The following LMTK2 variants were observed in gnomAD, a reference collection of about 807,000 sequenced individuals.
The protein encoded by LMTK2 is lemur tail kinase 2.
A neutral mutation model predicts 127.5 loss-of-function variants in LMTK2; 37 were observed. That is an observed-to-expected ratio of 0.29 (90% CI 0.22 to 0.38). The LOEUF is 0.38. Among genes scored for constraint, LMTK2 ranks in the 10% least tolerant of loss-of-function variants. The pLI, the probability that LMTK2 is intolerant of heterozygous loss-of-function variation, is 1.00. For missense variants in LMTK2, 1,694 were observed against 1,920.3 expected (o/e 0.88, Z 2.20); for synonymous variants, 819 against 810.1 (o/e 1.01, Z -0.19).
chr7:98,149,964 A>C (rs1796828250), intron 3 of LMTK2, among the ~76,000 whole-genome samples: 1 of 152,214 alleles, frequency 6.6e-6, no homozygotes, highest in South Asian at 2.1e-4. Flanking sequence ...AAATGAGGCA[A>C]AGATTTGCAT....
chr7:98,203,890 CT>C lies in LMTK2; in HGVS notation c.4241-53del. 3 of 1,604,846 alleles carry C rather than the reference CT, an allele frequency of 1.9e-6. No homozygotes were observed. In the South Asian group the frequency reaches 3.3e-5, roughly 18 times the overall value. ...GGGCGCACCTGCCCAGAGGCTCCCC[CT>C]CTCCCTCATCACGCAGTGATAAAAA... On this transcript the variant is annotated intron_variant, in intron 12 of 13. Coordinates refer to ENST00000297293, the MANE Select transcript of LMTK2 (RefSeq NM_014916.4).
At position 98,185,105 on chromosome 7, in the gene LMTK2, A is replaced by C. The variant is rs376106286; in HGVS notation, c.846A>C (p.Gly282=). 12 of 1,612,420 alleles carry C rather than the reference A, an allele frequency of 7.4e-6. No homozygotes were observed. The highest frequency in any genetic ancestry group is 1.6e-4 in the Middle Eastern group (1 of 6,080). ...FLTSDLNVKV[G]DYGIGFSRYK... is the part of the protein sequence containing the mutation. ...CCTCCGACTTAAATGTGAAAGTGGG[A>C]GATTACGGAATAGGATTCAGCAGGT... Residue 282 remains glycine (G), a synonymous_variant, in exon 8 of 14, where the codon GGA becomes GGC. Coordinates refer to ENST00000297293, the MANE Select transcript of LMTK2 (RefSeq NM_014916.4).
intron 2 of LMTK2, among the ~76,000 whole-genome samples, chr7:98,140,564 AT>A (rs548563798): frequency 5.9e-5 from 9 of 151,684 alleles, no homozygotes; most frequent in Non-Finnish European, 1.0e-4. Flanking sequence ...GATCCTGGTG[AT>A]TTTTTTTAGC....
intron 1 of LMTK2, among the ~76,000 whole-genome samples, chr7:98,130,937 A>G (rs911242362): frequency 1.3e-5 from 2 of 152,224 alleles, no homozygotes; most frequent in African/African-American, 4.8e-5. Context: ...ATAAATTATG[A>G]TATCTGCTTT....
chr7:98,177,579 C>T (rs562330488), intron 7 of LMTK2, among the ~76,000 whole-genome samples: 3 of 152,324 alleles, frequency 2.0e-5, no homozygotes, highest in African/African-American at 7.2e-5. Flanking sequence ...GGCTCACTTG[C>T]TTGGCCTTGA....
chr7:98,156,700 A>G (rs192234015), intron 5 of LMTK2, among the ~76,000 whole-genome samples: 2 of 152,360 alleles, frequency 1.3e-5, no homozygotes, highest in Admixed American at 1.3e-4. Context: ...ATGTACATGT[A>G]TATCTAAAGA....
intron 1 of LMTK2, among the ~76,000 whole-genome samples, chr7:98,132,168 C>A (rs1796528887): frequency 6.6e-6 from 1 of 152,154 alleles, no homozygotes; most frequent in South Asian, 2.1e-4. Context: ...CCTGTGGGTG[C>A]TTTAAATCCA....
intron 7 of LMTK2, among the ~76,000 whole-genome samples, chr7:98,178,543 G>A (rs1188304740): frequency 6.6e-6 from 1 of 152,216 alleles, no homozygotes; most frequent in African/African-American, 2.4e-5. Flanking sequence ...GGCGGGGCTG[G>A]TGCCACTGGT....
chr7:98,186,725 C>A, intron 8 of LMTK2, 152 bp from the exon 9 acceptor site: 1 of 635,854 alleles, frequency 1.6e-6, no homozygotes, highest in Non-Finnish European at 2.6e-6. Flanking sequence ...TACCCACTTT[C>A]TGCCCAGAAA....
chr7:98,194,114 A>C lies in LMTK2; in HGVS notation c.3649A>C (p.Thr1217Pro). 1.2e-6 allele frequency: 2 copies of C among 1,614,112 alleles called. No individual in the cohort carries two copies. Among genetic ancestry groups the C allele is most frequent in the South Asian group, 2.2e-5 (2 of 91,082 alleles). Residue 1217 changes from threonine to proline, a missense_variant, in exon 11 of 14, where the codon ACA becomes CCA. This residue lies in a region of LMTK2 where 554 missense variants were observed against 567.7 expected (regional missense o/e 0.98). Transcript: ENST00000297293. This position sits in a 1 kb window ranked among gnomAD's most constrained non-coding sequence, Gnocchi z 5.4. ...AELSSGDDFE[T>P]QDDRPCTLAS... ...ACTTAGCAGCGGCGATGACTTCGAG[A>C]CACAGGACGATCGCCCCTGCACCCT...
rs549327274 is a variant in LMTK2, at chr7:98,191,019, G to A, written c.1148+142G>A. 80 of 765,244 alleles carry A rather than the reference G, an allele frequency of 1.0e-4. No homozygotes were observed. In the African/African-American group the frequency reaches 1.2e-3, roughly 12 times the overall value. 47.4% of individuals were successfully genotyped at this position (765,244 alleles called of 1,614,324 possible). A position where few individuals can be genotyped will look rare whatever the true frequency, so the allele number is the denominator to read the frequency against. Reference sequence around the variant, plus strand: ...GTCACCATGAGCTGAACTACTTAATGTGGTTGGCAGTGATGAAGGTGTAGA... The same window carrying A: ...GTCACCATGAGCTGAACTACTTAATATGGTTGGCAGTGATGAAGGTGTAGA... On this transcript the variant is annotated intron_variant, in intron 10 of 13. Transcript: ENST00000297293.
chr7:98,137,836 C>T (rs1796616442), intron 2 of LMTK2, among the ~76,000 whole-genome samples: 2 of 152,154 alleles, frequency 1.3e-5, no homozygotes, highest in African/African-American at 2.4e-5. Flanking sequence ...CACTGTTGTC[C>T]GTAAGGGCTA....
intron 1 of LMTK2, among the ~76,000 whole-genome samples, chr7:98,121,216 C>T (rs1466134111): frequency 6.6e-6 from 1 of 152,214 alleles, no homozygotes; most frequent in Non-Finnish European, 1.5e-5. Flanking sequence ...GGAGACCCAA[C>T]TCCAGCCACT....
Position 98,204,068 on chromosome 7 carries a change from C to T in LMTK2, c.4365C>T (p.Ala1455=), listed in dbSNP as rs1222927923. The T allele has an allele frequency of 6.2e-7, 1 of 1,613,988 alleles. No homozygotes were observed. The highest frequency in any genetic ancestry group is 1.1e-5 in the South Asian group (1 of 91,082). Reference sequence around the variant, plus strand: ...AGTACTTTTCTCCGCCGCCACCGGCCCGGAGCACGGAGCAGAGCTGGCCGC... The same window carrying T: ...AGTACTTTTCTCCGCCGCCACCGGCTCGGAGCACGGAGCAGAGCTGGCCGC... ...TSKYFSPPPP[A]RSTEQSWPHS... is the part of the protein sequence containing the mutation. The change falls in exon 13 of 14, where the codon GCC becomes GCT. Residue 1455 remains alanine (A), a synonymous_variant. Transcript: ENST00000297293.
chr7:98,181,340 A>G (rs568336563), intron 7 of LMTK2, among the ~76,000 whole-genome samples: 55 of 152,292 alleles, frequency 3.6e-4, no homozygotes, highest in African/African-American at 1.2e-3. Flanking sequence ...TAGTGGTGCA[A>G]TCATAGCCCA....
intron 1 of LMTK2, among the ~76,000 whole-genome samples, 177 bp from the exon 2 acceptor site, chr7:98,137,138 C>G (rs1431513284): frequency 6.6e-6 from 1 of 152,176 alleles, no homozygotes; most frequent in Admixed American, 6.5e-5. Flanking sequence ...CTCTGTAAAT[C>G]TAAATTATTT....
chr7:98,127,439 C>CT (rs1796459183), intron 1 of LMTK2, among the ~76,000 whole-genome samples: 1 of 152,216 alleles, frequency 6.6e-6, no homozygotes, highest in African/African-American at 2.4e-5. Flanking sequence ...TAACCTTTGT[C>CT]TAAGTAGCCA....
At position 98,207,707 on chromosome 7, in the gene LMTK2, T is replaced by C. The variant is rs1245858332; in HGVS notation, c.*2215T>C. On this transcript the variant is annotated 3_prime_UTR_variant, in exon 14 of 14. Transcript: ENST00000297293. ...AGTTCAGATTTAATGACCAAAGTCA[T>C]ACAGATCATGGAATCTGTCGTCGTC... is the stretch of plus-strand genomic sequence containing the variant. 1 of 152,184 alleles carries C rather than the reference T, an allele frequency of 6.6e-6. No individual in the cohort carries two copies. Among genetic ancestry groups the C allele is most frequent in the Non-Finnish European group, 1.5e-5 (1 of 68,030 alleles). 9.4% of individuals were successfully genotyped at this position (152,184 alleles called of 1,614,324 possible). A position where few individuals can be genotyped will look rare whatever the true frequency, so the allele number is the denominator to read the frequency against.
At position 98,193,441 on chromosome 7, in the gene LMTK2, G is replaced by A. The variant is rs755576900; in HGVS notation, c.2976G>A (p.Pro992=). Residue 992 remains proline, a synonymous_variant, in exon 11 of 14, where the codon CCG becomes CCA. Coordinates refer to ENST00000297293, the MANE Select transcript of LMTK2 (RefSeq NM_014916.4). This position sits in a 1 kb window ranked among gnomAD's most constrained non-coding sequence, Gnocchi z 4.1. ...CAGCACCCTTCCCAGCCTCTGAGCC[G>A]TCCCTGGAAACCCCGGACTCTCTGG... The part of the protein sequence containing the change: ...SLSAPFPASE[P]SLETPDSLES... The A allele has an allele frequency of 1.3e-5, 21 of 1,613,976 alleles. No homozygotes were observed. The highest frequency in any genetic ancestry group is 6.7e-5 in the East Asian group (3 of 44,888).
Sources: gnomAD v4.1 joint callset for allele counts (sites outside exome capture counted in the v4.1 genomes callset) on GRCh38, gnomAD v4.1.1 for gene constraint, gnomAD v4.1.1 regional missense constraint, Gnocchi (gnomAD v3.1) non-coding constraint, MANE v1.5 for transcripts, NCBI Gene and HGNC (gene_info 2026-07-23, HGNC 2026-07-21) for gene names.